Variants in HNRNPH1 observed in about 807,000 individuals in gnomAD.
The protein encoded by HNRNPH1 is heterogeneous nuclear ribonucleoprotein H.
A neutral mutation model predicts 58.6 loss-of-function variants in HNRNPH1; 4 were observed. The observed-to-expected ratio is 0.07, with a 90% confidence interval of 0.03 to 0.16. The LOEUF (loss-of-function observed/expected upper bound fraction) is 0.16, where lower values mean the gene tolerates loss of function less well. HNRNPH1 is among the 10% of genes least tolerant of loss of function. HNRNPH1 has a pLI of 1.00. For synonymous variants in HNRNPH1, 192 were observed against 189.2 expected (o/e 1.01, Z -0.12); for missense variants, 271 against 564.2 (o/e 0.48, Z 5.26).
exon 13 of HNRNPH1, chr5:179,614,454 T>C (rs1015642736): frequency 6.3e-6 from 1 of 158,154 alleles, no homozygotes; most frequent in Middle Eastern, 3.4e-3. Context: ...ACAGCTCCTA[T>C]ATTGTTTTAC....
intron 10 of HNRNPH1, chr5:179,616,454 A>C: frequency 3.6e-6 from 2 of 554,810 alleles, no homozygotes; most frequent in Middle Eastern, 4.8e-4. Flanking sequence ...ACTAAAATCA[A>C]CATGATTCCG....
upstream of HNRNPH1, among the ~76,000 whole-genome samples, chr5:179,626,716 TAAA>T (rs568513306): frequency 7.4e-6 from 1 of 135,662 alleles, no homozygotes; most frequent in African/African-American, 2.7e-5. Flanking sequence ...ACTCTGTCTT[TAAA>T]AAAAAAAAAA....
chr5:179,632,558 C>T (rs1774931972), intron 2 of HNRNPH1, among the ~76,000 whole-genome samples: 1 of 152,156 alleles, frequency 6.6e-6, no homozygotes, highest in African/African-American at 2.4e-5. Context: ...AAGGCGTCCC[C>T]ACAGTGTCCA....
chr5:179,617,769 T>C, intron 7 of HNRNPH1, 30 bp downstream of exon 8: 1 of 1,612,316 alleles, frequency 6.2e-7, no homozygotes, highest in Non-Finnish European at 8.5e-7. Context: ...CATACTGAAA[T>C]ATTGACTTGT....
At chr5:179,622,714 A>G (rs2127698832) in intron 1 of HNRNPH1, 1 of 152,656 alleles carries the variant, frequency 6.6e-6, no homozygotes, top group Middle Eastern at 3.4e-3. Context: ...CTCAAAAGAA[A>G]AAGAAAAAAA....
At chr5:179,617,215 T>C (rs1187350505) in intron 8 of HNRNPH1, 105 bp from the exon 10 acceptor site, 1 of 1,135,284 alleles carries the variant, frequency 8.8e-7, no homozygotes, top group African/African-American at 1.6e-5. Flanking sequence ...CTTCAAATAC[T>C]TTGGCAAAGA....
Position 179,614,723 on chromosome 5 carries a change from T to TA in HNRNPH1, c.*236dup, listed in dbSNP as rs1768612942. On this transcript the variant is annotated 3_prime_UTR_variant, in exon 13 of 13. Transcript: ENST00000356731. ...CTTCATAACAATCCTGATTTCCACT[T>TA]AGAGTAAGCATAAATCACAAGCTTG... The TA allele has an allele frequency of 1.3e-5, 8 of 602,470 alleles. No individual in the cohort carries two copies. The South Asian group carries it at 1.7e-4, about 12-fold the overall frequency. 37.3% of individuals were successfully genotyped at this position (602,470 alleles called of 1,614,324 possible).
chr5:179,616,259 G>C (rs1369226958), intron 10 of HNRNPH1, 41 bp from the exon 12 acceptor site: 1 of 1,480,088 alleles, frequency 6.8e-7, no homozygotes, highest in African/African-American at 1.4e-5. Context: ...TTTCTTATGT[G>C]ATGTGGTACC....
chr5:179,622,034 T>C (rs1357625543), intron 1 of HNRNPH1: 2 of 454,728 alleles, frequency 4.4e-6, no homozygotes, highest in Non-Finnish European at 8.8e-6. Context: ...GTTAATTTCA[T>C]CCAAATAGAA....
chr5:179,615,437 T>G, intron 12 of HNRNPH1, 109 bp downstream of exon 13: 1 of 587,046 alleles, frequency 1.7e-6, no homozygotes, highest in Non-Finnish European at 3.0e-6. Context: ...TGTGCCCAAA[T>G]GGCAGCCTCC....
Position 179,623,089 on chromosome 5 carries a change from G to A in HNRNPH1, c.45C>T (p.Val15=). The A allele has an allele frequency of 3.7e-6, 6 of 1,609,314 alleles. No homozygotes were observed. The South Asian group carries it at 4.4e-5, about 12-fold the overall frequency. ...CCGAGCAAGACCAGGGCAAGCCCCGGACCTTCACCACGAATCCCTCTCCAC... is the reference window on the plus strand; with the variant it reads ...CCGAGCAAGACCAGGGCAAGCCCCGAACCTTCACCACGAATCCCTCTCCAC... Residue 15 remains valine (V), a synonymous_variant, in exon 1 of 13, where the codon GTC becomes GTT. Transcript: ENST00000356731.
chr5:179,625,057 A>G (rs924443520), upstream of HNRNPH1, among the ~76,000 whole-genome samples: 3 of 152,132 alleles, frequency 2.0e-5, no homozygotes, highest in Non-Finnish European at 2.9e-5. Context: ...ACCCTGTGTA[A>G]AGGAAAACTC....
intron 3 of HNRNPH1, chr5:179,619,956 T>G (rs920336665): frequency 5.3e-5 from 8 of 152,216 alleles, no homozygotes; most frequent in African/African-American, 1.9e-4. Context: ...GTAGTTATGA[T>G]TCACTTCTGG....
intron 4 of HNRNPH1, 50 bp downstream of exon 5, chr5:179,619,215 TTTAA>T (rs1164246516): frequency 2.4e-5 from 34 of 1,446,710 alleles, no homozygotes; most frequent in East Asian, 4.7e-5. Flanking sequence ...AGAATATGGA[TTTAA>T]TTGTTTACCA....
exon 1 of HNRNPH1, chr5:179,623,474 C>G (rs1773782874): frequency 5.5e-6 from 1 of 180,742 alleles, no homozygotes; most frequent in African/African-American, 2.4e-5. Flanking sequence ...CAGGCCTCAG[C>G]GGCGGTGCCG....
At chr5:179,624,579 AG>A in exon 1 of HNRNPH1, 1 of 398,704 alleles carries the variant, frequency 2.5e-6, no homozygotes. Flanking sequence ...TCCATTCACC[AG>A]GCGTAGACGC....
intron 11 of HNRNPH1, 184 bp from the exon 13 acceptor site, chr5:179,615,779 G>A (rs4504351): frequency 9.7e-6 from 5 of 513,498 alleles, no homozygotes; most frequent in Non-Finnish European, 1.8e-5. Context: ...CTAACCAAAA[G>A]ACAAAAAAGT....
chr5:179,621,315 T>C, exon 2 of HNRNPH1: 1 of 1,614,000 alleles, frequency 6.2e-7, no homozygotes, highest in Non-Finnish European at 8.5e-7. Flanking sequence ...CTGATTCAAG[T>C]TCAACAAAAG....
At chr5:179,616,251 T>C (rs1288769560) in intron 10 of HNRNPH1, 33 bp from the exon 12 acceptor site, 2 of 1,541,238 alleles carry the variant, frequency 1.3e-6, no homozygotes, top group East Asian at 2.2e-5. Flanking sequence ...GAACCTTTTT[T>C]CTTATGTGAT....
Sources: gnomAD v4.1 joint callset for allele counts (sites outside exome capture counted in the v4.1 genomes callset) on GRCh38, gnomAD v4.1.1 for gene constraint, MANE v1.5 for transcripts, NCBI Gene and HGNC (gene_info 2026-07-23, HGNC 2026-07-21) for gene names.